The following PLCB1 variants were observed in gnomAD, a reference collection of about 807,000 sequenced individuals.
PLCB1 encodes 1-phosphatidylinositol 4,5-bisphosphate phosphodiesterase beta-1.
Under a neutral mutation model 161.8 loss-of-function variants are expected in PLCB1, and 46 were observed. That is an observed-to-expected ratio of 0.28 (90% CI 0.22 to 0.36). PLCB1 has a LOEUF of 0.36. Ranked by LOEUF, PLCB1 falls within the 10% of genes least tolerant of loss-of-function variation. The pLI is 1.00. For synonymous variants in PLCB1, 517 were observed against 503.7 expected (o/e 1.03, Z -0.35); for missense variants, 1,016 against 1,472.5 (o/e 0.69, Z 5.07).
At chr20:8,412,619 G>A (rs1979093425) in intron 3 of PLCB1, among the ~76,000 whole-genome samples, 1 of 152,132 alleles carries the variant, frequency 6.6e-6, no homozygotes, top group Admixed American at 6.6e-5. Context: ...TGACCTCCTT[G>A]TGCTTCCTCA....
intron 3 of PLCB1, among the ~76,000 whole-genome samples, chr20:8,543,712 T>C (rs184816205): frequency 1.3e-4 from 19 of 151,648 alleles, no homozygotes; most frequent in Non-Finnish European, 2.4e-4. Context: ...GTAATCCCTG[T>C]GTGTCATGGG....
intron 3 of PLCB1, among the ~76,000 whole-genome samples, chr20:8,461,302 T>C (rs967429767): frequency 2.0e-4 from 31 of 152,126 alleles, no homozygotes; most frequent in African/African-American, 7.2e-4. Flanking sequence ...GGCAGACTCA[T>C]AGAACTGTCA....
rs371613572 is a variant in PLCB1 at position 8,650,247 on chromosome 20, C to T, written c.594+798C>T. 7.2e-5 allele frequency among the ~76,000 whole-genome samples: 11 copies of T among 151,822 alleles called. No individual in the cohort carries two copies. In the East Asian group the frequency reaches 1.2e-3, roughly 16 times the overall value. ...AACTCTGGTGGTGGGGTATGAACAC[C>T]GGACCAAATTAAGGACCAGCTAAAA... On this transcript the variant is annotated intron_variant, in intron 7 of 31. Transcript: ENST00000338037.
rs1251117569 is a variant in PLCB1, at chr20:8,658,696, C to T, written c.854C>T (p.Ala285Val). ...AAGTATGAACCCAACAACAGCCTCG[C>T]CAGAAAAGGTCAGTACTTTCTTTCA... Reference protein sequence around the residue: ...IEKYEPNNSLARKGQISVDGF... With the variant: ...IEKYEPNNSLVRKGQISVDGF... Residue 285 changes from alanine (A) to valine (V), a missense_variant, in exon 9 of 32, where the codon GCC (alanine) becomes GTC (valine). Physicochemically the swap from Ala to Val is moderately conservative, Grantham distance 64 (BLOSUM62 0). This residue lies in a region of PLCB1 where 117 missense variants were observed against 142.2 expected (regional missense o/e 0.82). Transcript: ENST00000338037. The T allele has an allele frequency of 1.2e-6, 2 of 1,602,678 alleles. No individual in the cohort carries two copies. The highest frequency in any genetic ancestry group is 2.7e-5 in the African/African-American group (2 of 74,116).
chr20:8,815,737 T>C (rs575207917), intron 31 of PLCB1, among the ~76,000 whole-genome samples: 2 of 152,292 alleles, frequency 1.3e-5, no homozygotes, highest in African/African-American at 4.8e-5. Flanking sequence ...TCTAGAAATA[T>C]CTGACTATTA....
intron 9 of PLCB1, among the ~76,000 whole-genome samples, chr20:8,683,406 A>AG (rs397734602): frequency 6.6e-6 from 1 of 151,610 alleles, no homozygotes; most frequent in Non-Finnish European, 1.5e-5. Context: ...GAAAAAAAAA[A>AG]GAAATGCTAC....
At chr20:8,432,621 T>G (rs1383911800) in intron 3 of PLCB1, among the ~76,000 whole-genome samples, 2 of 152,242 alleles carry the variant, frequency 1.3e-5, no homozygotes, top group Non-Finnish European at 2.9e-5. Flanking sequence ...TGCTGTGGTC[T>G]GAAGCAGTAT....
intron 12 of PLCB1, among the ~76,000 whole-genome samples, chr20:8,715,489 C>T (rs981937769): frequency 2.6e-5 from 4 of 152,198 alleles, no homozygotes; most frequent in African/African-American, 4.8e-5. Context: ...TTATTATTCT[C>T]CTCATTTTAT....
At chr20:8,389,678 T>A (rs536622467) in intron 3 of PLCB1, among the ~76,000 whole-genome samples, 48 of 152,314 alleles carry the variant, frequency 3.2e-4, no homozygotes, top group African/African-American at 1.1e-3. Flanking sequence ...TGCGCCATCT[T>A]GTGGACATAT....
chr20:8,705,102 C>T (rs994434703), intron 11 of PLCB1, among the ~76,000 whole-genome samples: 2 of 151,480 alleles, frequency 1.3e-5, no homozygotes, highest in African/African-American at 2.4e-5. Context: ...CCAGAAACCC[C>T]TCACAGAGAC....
chr20:8,670,445 G>A (rs527815560), intron 9 of PLCB1, among the ~76,000 whole-genome samples: 8 of 152,314 alleles, frequency 5.3e-5, no homozygotes, highest in Middle Eastern at 3.4e-3. Flanking sequence ...TGAGCACTGC[G>A]TGAAGAGCTA....
intron 3 of PLCB1, among the ~76,000 whole-genome samples, chr20:8,541,600 G>GAAAGAAAGAAAGAAAGA (rs1292981718): frequency 6.6e-6 from 1 of 150,646 alleles, no homozygotes; most frequent in African/African-American, 2.4e-5. Context: ...AAGAAAGAAA[G>GAAAGAAAGAAAGAAAGA]AAAGAAAGGA....
At chr20:8,249,269 T>C (rs1290969907) in intron 2 of PLCB1, among the ~76,000 whole-genome samples, 1 of 151,952 alleles carries the variant, frequency 6.6e-6, no homozygotes, top group Non-Finnish European at 1.5e-5. Context: ...TAAAAAGGCA[T>C]TTATATTTGT....
chr20:8,304,638 G>T (rs541224061), intron 2 of PLCB1, among the ~76,000 whole-genome samples: 192 of 150,778 alleles, frequency 1.3e-3, no homozygotes, highest in Non-Finnish European at 1.8e-3. Flanking sequence ...AGAGTGCTTT[G>T]TGTGTGTGTG....
At chr20:8,655,827 A>G (rs765183706) in intron 7 of PLCB1, among the ~76,000 whole-genome samples, 6 of 152,016 alleles carry the variant, frequency 3.9e-5, no homozygotes, top group Non-Finnish European at 7.4e-5. Context: ...CTAACAGCCA[A>G]TGAGTATGGT....
rs191941265 is a variant in PLCB1, at chr20:8,430,363, G to A, written c.246+58913G>A. ...GGTCAGGAGAACAGATGCTCTTCCC[G>A]GGTCAGTTTTAAGGCTGAAATGTTT... On this transcript the variant is annotated intron_variant, in intron 3 of 31. Coordinates refer to ENST00000338037, the MANE Select transcript of PLCB1 (RefSeq NM_015192.4). 1.8e-3 allele frequency among the ~76,000 whole-genome samples: 270 copies of A among 151,028 alleles called. 1 individual carries two copies. The highest frequency in any genetic ancestry group is 3.3e-3 in the Admixed American group (51 of 15,232).
chr20:8,519,756 A>C (rs899139972), intron 3 of PLCB1, among the ~76,000 whole-genome samples: 2 of 152,144 alleles, frequency 1.3e-5, no homozygotes, highest in Non-Finnish European at 2.9e-5. Flanking sequence ...TCCCATGTGA[A>C]AATAAATTTT....
intron 3 of PLCB1, among the ~76,000 whole-genome samples, chr20:8,531,603 T>C (rs930762865): frequency 4.9e-4 from 74 of 152,262 alleles, no homozygotes; most frequent in African/African-American, 1.7e-3. Flanking sequence ...TAAAAATTAA[T>C]GCTTGCCTAC....
chr20:8,880,379 G>A (rs1030940254), intron 31 of PLCB1, among the ~76,000 whole-genome samples: 2 of 152,026 alleles, frequency 1.3e-5, no homozygotes, highest in African/African-American at 4.8e-5. Flanking sequence ...AGACATCCAC[G>A]TAAGTCTCCA....
Sources: gnomAD v4.1 joint callset for allele counts (sites outside exome capture counted in the v4.1 genomes callset) on GRCh38, gnomAD v4.1.1 for gene constraint, gnomAD v4.1.1 regional missense constraint, MANE v1.5 for transcripts, NCBI Gene and HGNC (gene_info 2026-07-23, HGNC 2026-07-21) for gene names.